Variants in UBAP2 observed in about 807,000 individuals in gnomAD.
The protein encoded by UBAP2 is ubiquitin-associated protein 2.
A neutral mutation model predicts 139.6 loss-of-function variants in UBAP2; 75 were observed. The ratio of observed to expected loss-of-function variants is 0.54; its 90% CI spans 0.45 to 0.65. The LOEUF (loss-of-function observed/expected upper bound fraction) is 0.65. Among genes scored for constraint, UBAP2 ranks in the 30% least tolerant of loss-of-function variants. The pLI, the probability that UBAP2 is intolerant of heterozygous loss-of-function variation, is 0.00. For missense variants in UBAP2, 1,368 were observed against 1,369.6 expected (o/e 1.00, Z 0.02); for synonymous variants, 526 against 526.2 (o/e 1.00, Z 0.01).
chr9:33,973,274 C>A (rs755205149), intron 6 of UBAP2, 37 bp from the exon 7 acceptor site: 1 of 1,592,372 alleles, frequency 6.3e-7, no homozygotes, highest in African/African-American at 1.3e-5. Flanking sequence ...TAAAATAATA[C>A]TTATGTCCTA....
At chr9:34,032,440 C>G (rs1297840023) in intron 1 of UBAP2, among the ~76,000 whole-genome samples, 1 of 152,180 alleles carries the variant, frequency 6.6e-6, no homozygotes, top group Non-Finnish European at 1.5e-5. Context: ...ACTAGTTACT[C>G]TGTCCCAAGG....
chr9:33,986,730 A>G, intron 6 of UBAP2, 30 bp downstream of exon 6: 1 of 1,595,426 alleles, frequency 6.3e-7, no homozygotes, highest in East Asian at 2.2e-5. Flanking sequence ...CCTAATTGAA[A>G]GCATTTTCTT....
rs1047924457 is a variant in UBAP2, at chr9:33,923,797, A to G, written c.2794T>C (p.Phe932Leu). ...PSAFQYGPTM[F>L]VPPASAKQHG... Reference sequence around the variant, plus strand: ...GTCACACCCTCTGAAATACTCACAAACATGGTGGGGCCATACTGGAAGGCA... The same window carrying G: ...GTCACACCCTCTGAAATACTCACAAGCATGGTGGGGCCATACTGGAAGGCA... Residue 932 changes from phenylalanine (F) to leucine (L), a missense_variant and splice_region_variant, in exon 24 of 29, where the codon TTT (phenylalanine) becomes CTT (leucine). By Grantham distance (22) the Phe-to-Leu change is conservative. Coordinates refer to ENST00000379238, the MANE Select transcript of UBAP2 (RefSeq NM_001370062.2). The G allele has an allele frequency of 4.3e-6, 7 of 1,613,920 alleles. No homozygotes were observed. In the African/African-American group the frequency reaches 9.3e-5, roughly 22 times the overall value.
At chr9:33,941,616 ATCT>A (rs773437048) in intron 16 of UBAP2, 30 bp downstream of exon 16, 2 of 1,552,086 alleles carry the variant, frequency 1.3e-6, no homozygotes, top group South Asian at 2.2e-5. Flanking sequence ...TAAGACGGAC[ATCT>A]TCTGAGAAAA....
chr9:33,964,407 AAAAG>A (rs1399280431), intron 8 of UBAP2, among the ~76,000 whole-genome samples: 28 of 152,362 alleles, frequency 1.8e-4, no homozygotes, highest in Admixed American at 5.9e-4. Flanking sequence ...GAGATGAAAG[AAAAG>A]AGAGAGGAGG....
Position 33,923,089 on chromosome 9 carries a change from A to AC in UBAP2, c.3005-57dup, listed in dbSNP as rs1823065033. On this transcript the variant is annotated intron_variant, in intron 26 of 28. Coordinates refer to ENST00000379238, the MANE Select transcript of UBAP2 (RefSeq NM_001370062.2). ...AGTTGTTCCCAGCTCCAGGCTCCCC[A>AC]CCTCCAGGATCACTCAGGGGTTGCC... 2.5e-6 allele frequency: 4 copies of AC among 1,612,880 alleles called. No homozygotes were observed. In the African/African-American group the frequency reaches 5.3e-5, roughly 22 times the overall value.
intron 22 of UBAP2, among the ~76,000 whole-genome samples, chr9:33,925,731 C>G (rs1021185834): frequency 6.6e-6 from 1 of 152,232 alleles, no homozygotes; most frequent in Non-Finnish European, 1.5e-5. Context: ...TCCGTCAGCT[C>G]TTTGTGGTGC....
rs1189741227 is a variant in UBAP2, at chr9:33,924,206, C to A, written c.2590G>T (p.Gly864Cys). The change falls in exon 23 of 29, where the codon GGT becomes TGT. Residue 864 changes from glycine (G) to cysteine (C), a missense_variant and splice_region_variant. By Grantham distance (159) the Gly-to-Cys change is radical. Transcript: ENST00000379238. ...CTCCTCATCCATTGAGCAAACTCAC[C>A]TGGATATGGATTATTAGCTAGGCTC... is the stretch of plus-strand genomic sequence containing the variant. ...DGSLANNPYP[G>C]DVTKFGRGDS... is the part of the protein sequence containing the mutation. The A allele has an allele frequency of 6.2e-7, 1 of 1,614,048 alleles. No individual in the cohort carries two copies. The highest frequency in any genetic ancestry group is 8.5e-7 in the Non-Finnish European group (1 of 1,180,004).
intron 3 of UBAP2, 119 bp from the exon 4 acceptor site, chr9:33,996,452 A>C: frequency 1.5e-6 from 1 of 671,616 alleles, no homozygotes. Context: ...CCTCTTCTAG[A>C]CTCTTGAGTT....
chr9:33,959,080 G>A (rs572040796), intron 10 of UBAP2, among the ~76,000 whole-genome samples: 8 of 152,050 alleles, frequency 5.3e-5, no homozygotes, highest in Middle Eastern at 6.8e-3. Flanking sequence ...ACCCAGAGGC[G>A]GAGGCTGCAG....
chr9:33,936,524 C>T (rs1824529587), intron 16 of UBAP2, among the ~76,000 whole-genome samples: 3 of 152,020 alleles, frequency 2.0e-5, no homozygotes, highest in Non-Finnish European at 4.4e-5. Flanking sequence ...AAACTCCTGA[C>T]CTCAAGTGAT....
At chr9:33,989,182 A>T in intron 4 of UBAP2, 56 bp from the exon 5 acceptor site, 1 of 1,523,192 alleles carries the variant, frequency 6.6e-7, no homozygotes, top group Non-Finnish European at 8.7e-7. Flanking sequence ...ACAATTATCA[A>T]AGGCACATGC....
In UBAP2 at chr9:33,941,710, T is replaced by G. The variant is rs1307336172; in HGVS notation, c.1868A>C (p.His623Pro). The G allele has an allele frequency of 1.2e-6, 2 of 1,614,184 alleles. No individual in the cohort carries two copies. Among genetic ancestry groups the G allele is most frequent in the Non-Finnish European group, 1.7e-6 (2 of 1,180,038 alleles). The change falls in exon 16 of 29, where the codon CAT becomes CCT. Residue 623 changes from histidine to proline, a missense_variant. Coordinates refer to ENST00000379238, the MANE Select transcript of UBAP2 (RefSeq NM_001370062.2). ...AGGGCTTTGGTATGGGATCCTGTTA[T>G]GCACAGAACTCTGGTCATAAGAGGA... ...MSSSYDQSSV[H>P]NRIPYQSPVS...
At chr9:33,962,878 C>G (rs1238225747) in intron 9 of UBAP2, among the ~76,000 whole-genome samples, 1 of 150,860 alleles carries the variant, frequency 6.6e-6, no homozygotes, top group Non-Finnish European at 1.5e-5. Context: ...ACTTGGGAGG[C>G]TGAGGCAGGA....
rs182949210 is a variant in UBAP2 at position 33,953,149 on chromosome 9, A to T, written c.1056+136T>A. 31 of 849,710 alleles carry T rather than the reference A, an allele frequency of 3.6e-5. No homozygotes were observed. In the African/African-American group the frequency reaches 4.9e-4, roughly 14 times the overall value. 52.6% of individuals were successfully genotyped at this position (849,710 alleles called of 1,614,324 possible). ...CTCCCAAAGTGCTGGGATTACAGGC[A>T]TGAGCCATCATGCCCGGCCTTACTG... On this transcript the variant is annotated intron_variant, in intron 12 of 28. Coordinates refer to ENST00000379238, the MANE Select transcript of UBAP2 (RefSeq NM_001370062.2).
chr9:33,993,795 T>C (rs1821914748), intron 4 of UBAP2, among the ~76,000 whole-genome samples: 1 of 152,212 alleles, frequency 6.6e-6, no homozygotes, highest in Non-Finnish European at 1.5e-5. Flanking sequence ...TGCTATTTTC[T>C]TATCTTTGAA....
At chr9:33,978,383 A>T (rs991478429) in intron 6 of UBAP2, among the ~76,000 whole-genome samples, 1 of 152,170 alleles carries the variant, frequency 6.6e-6, no homozygotes, top group Admixed American at 6.6e-5. Flanking sequence ...CTTAAAAAAA[A>T]AATTTTTAAG....
At chr9:34,041,029 G>C (rs1177288907) in intron 1 of UBAP2, among the ~76,000 whole-genome samples, 1 of 152,104 alleles carries the variant, frequency 6.6e-6, no homozygotes, top group Non-Finnish European at 1.5e-5. Context: ...GTTGTGGGCA[G>C]GGTGGCAAAT....
chr9:34,049,089 A>C (rs1463352595), upstream of UBAP2: 3 of 152,260 alleles, frequency 2.0e-5, no homozygotes, highest in Non-Finnish European at 2.9e-5. Flanking sequence ...AGAAAGGAAC[A>C]AATAAGGGAG....
Sources: gnomAD v4.1 joint callset for allele counts (sites outside exome capture counted in the v4.1 genomes callset) on GRCh38, gnomAD v4.1.1 for gene constraint, MANE v1.5 for transcripts, NCBI Gene and HGNC (gene_info 2026-07-23, HGNC 2026-07-21) for gene names.